The following KIAA1217 variants were observed in gnomAD, a reference collection of about 807,000 sequenced individuals.
KIAA1217 encodes the protein KIAA1217, also known as sickle tail protein homolog.
A neutral mutation model predicts 163.9 loss-of-function variants in KIAA1217; 88 were observed. That is an observed-to-expected ratio of 0.54 (90% CI 0.45 to 0.64). The LOEUF (loss-of-function observed/expected upper bound fraction) is 0.64, where lower values mean the gene tolerates loss of function less well. KIAA1217 is among the 30% of genes least tolerant of loss of function. The probability of loss-of-function intolerance (pLI) is 0.00; values close to 1 mark genes in which losing one functional copy is unlikely to be tolerated. For synonymous variants in KIAA1217, 903 were observed against 923.1 expected (o/e 0.98, Z 0.39); for missense variants, 2,372 against 2,475.0 (o/e 0.96, Z 0.88).
intron 17 of KIAA1217, among the ~76,000 whole-genome samples, chr10:24,537,563 G>A (rs1449553300): frequency 6.8e-6 from 1 of 147,610 alleles, no homozygotes; most frequent in African/African-American, 2.5e-5. Flanking sequence ...GGCAACAAGA[G>A]CAAAACTCTG....
intron 1 of KIAA1217, among the ~76,000 whole-genome samples, chr10:23,822,523 G>A (rs1256585755): frequency 6.6e-6 from 1 of 152,152 alleles, no homozygotes; most frequent in Non-Finnish European, 1.5e-5. Flanking sequence ...ATGTTGTTTT[G>A]TGTTAGAAGG....
rs754458721 is a variant in KIAA1217, at chr10:24,533,071, C to T, written c.3248C>T (p.Ala1083Val). Residue 1083 changes from alanine to valine, a missense_variant and splice_region_variant, in exon 16 of 21, where the codon GCA becomes GTA. Ala to Val is a moderately conservative substitution (Grantham distance 64). This residue lies in a region of KIAA1217 where 1,431 missense variants were observed against 1,470.3 expected (regional missense o/e 0.97). Coordinates refer to ENST00000376454, the MANE Select transcript of KIAA1217 (RefSeq NM_019590.5). ...TGRKENITAKASSEDAGPSPQ... is the reference protein window; with the variant it reads ...TGRKENITAKVSSEDAGPSPQ... ...ATCTGTTGTTTCAATCTCCCACAGGCAAGCAGTGAAGATGCTGGACCAAGC... is the reference window on the plus strand; with the variant it reads ...ATCTGTTGTTTCAATCTCCCACAGGTAAGCAGTGAAGATGCTGGACCAAGC... 8.1e-6 allele frequency: 13 copies of T among 1,606,796 alleles called. No homozygotes were observed. Among genetic ancestry groups the T allele is most frequent in the Non-Finnish European group, 1.0e-5 (12 of 1,175,778 alleles).
chr10:23,770,822 G>C (rs1053598722), intron 1 of KIAA1217, among the ~76,000 whole-genome samples: 1 of 152,078 alleles, frequency 6.6e-6, no homozygotes, highest in Non-Finnish European at 1.5e-5. Flanking sequence ...CAATGTTATG[G>C]AACTCAATGA....
chr10:23,917,588 C>G (rs947004568), intron 1 of KIAA1217, among the ~76,000 whole-genome samples: 6 of 152,114 alleles, frequency 3.9e-5, no homozygotes, highest in Admixed American at 3.3e-4. Context: ...TGAAAAGTGA[C>G]TATAGTTTTA....
At chr10:24,379,032 TAAAG>T (rs2052930673) in intron 2 of KIAA1217, among the ~76,000 whole-genome samples, 1 of 152,174 alleles carries the variant, frequency 6.6e-6, no homozygotes, top group Non-Finnish European at 1.5e-5. Flanking sequence ...CCGTGAGCTA[TAAAG>T]ATGACCAAAA....
chr10:23,792,328 T>C (rs1057428335), intron 1 of KIAA1217, among the ~76,000 whole-genome samples: 13 of 152,324 alleles, frequency 8.5e-5, no homozygotes, highest in Non-Finnish European at 1.3e-4. Context: ...TGAATCCTTT[T>C]GCAAAGTGAG....
intron 2 of KIAA1217, among the ~76,000 whole-genome samples, chr10:24,176,316 T>G (rs2065888105): frequency 6.6e-6 from 1 of 152,048 alleles, no homozygotes; most frequent in Admixed American, 6.6e-5. Flanking sequence ...GATTGGTGCA[T>G]TTACAATCCT....
At chr10:24,013,445 AG>A (rs1419009323) in intron 2 of KIAA1217, among the ~76,000 whole-genome samples, 1 of 152,104 alleles carries the variant, frequency 6.6e-6, no homozygotes, top group Non-Finnish European at 1.5e-5. Flanking sequence ...AGTGGACAAA[AG>A]CCAAAGGCTT....
intron 1 of KIAA1217, among the ~76,000 whole-genome samples, chr10:23,911,926 G>A (rs776307079): frequency 2.6e-5 from 4 of 152,076 alleles, no homozygotes; most frequent in Non-Finnish European, 5.9e-5. Flanking sequence ...ATGAACAATA[G>A]GCAGGATGAG....
intron 1 of KIAA1217, among the ~76,000 whole-genome samples, chr10:23,712,520 G>A (rs961881818): frequency 3.9e-5 from 6 of 151,992 alleles, no homozygotes; most frequent in South Asian, 4.1e-4. Context: ...TCGTGGATAC[G>A]TTTTAGGTGA....
At chr10:23,839,436 C>A (rs561706112) in intron 1 of KIAA1217, among the ~76,000 whole-genome samples, 1 of 152,086 alleles carries the variant, frequency 6.6e-6, no homozygotes, top group African/African-American at 2.4e-5. Context: ...TCTTCAGATC[C>A]GCTTTTGCTG....
chr10:24,383,835 G>T (rs549238587), intron 3 of KIAA1217, among the ~76,000 whole-genome samples: 1 of 152,336 alleles, frequency 6.6e-6, no homozygotes, highest in East Asian at 1.9e-4. Context: ...GCCGCACCTG[G>T]CCCTTATGGC....
At chr10:24,195,421 C>G (rs1445120263) in intron 2 of KIAA1217, among the ~76,000 whole-genome samples, 2 of 152,078 alleles carry the variant, frequency 1.3e-5, no homozygotes, top group Non-Finnish European at 2.9e-5. Context: ...GCAGGTTGCC[C>G]AAGACAAGGA....
intron 2 of KIAA1217, among the ~76,000 whole-genome samples, chr10:24,282,459 TTGTGTTTATTTATCCCCC>T (rs2078057157): frequency 6.6e-6 from 1 of 152,120 alleles, no homozygotes; most frequent in African/African-American, 2.4e-5. Context: ...CATAAGAAAT[TTGTGTTTATTTATCCCCC>T]TGTGTTTATT....
intron 1 of KIAA1217, among the ~76,000 whole-genome samples, chr10:24,215,395 G>A (rs1399702829): frequency 2.0e-5 from 3 of 152,186 alleles, no homozygotes; most frequent in Non-Finnish European, 2.9e-5. Flanking sequence ...CCAGAATAGC[G>A]AACAGCTAGA....
chr10:23,732,267 C>T (rs879918260), intron 1 of KIAA1217, among the ~76,000 whole-genome samples: 2 of 151,956 alleles, frequency 1.3e-5, no homozygotes, highest in Non-Finnish European at 2.9e-5. Context: ...TCTCTTTAAA[C>T]TTTAAAAGAT....
At chr10:24,035,563 T>G (rs1273529619) in intron 2 of KIAA1217, among the ~76,000 whole-genome samples, 1 of 152,164 alleles carries the variant, frequency 6.6e-6, no homozygotes, top group Non-Finnish European at 1.5e-5. Flanking sequence ...AGGCAGAGTG[T>G]AGCTTCAGGG....
chr10:24,436,166 G>A (rs1016091740), intron 4 of KIAA1217, among the ~76,000 whole-genome samples: 2 of 151,840 alleles, frequency 1.3e-5, no homozygotes, highest in Non-Finnish European at 2.9e-5. Context: ...CAGCTTGATA[G>A]CCTAAAGTTA....
At chr10:23,926,224 C>G (rs1019842329) in intron 1 of KIAA1217, among the ~76,000 whole-genome samples, 13 of 152,036 alleles carry the variant, frequency 8.6e-5, no homozygotes, top group Admixed American at 3.9e-4. Context: ...GTGGAGGGGG[C>G]TGGGAAAAAA....
Sources: gnomAD v4.1 joint callset for allele counts (sites outside exome capture counted in the v4.1 genomes callset) on GRCh38, gnomAD v4.1.1 for gene constraint, gnomAD v4.1.1 regional missense constraint, MANE v1.5 for transcripts, NCBI Gene and HGNC (gene_info 2026-07-23, HGNC 2026-07-21) for gene names.